The following COL4A5 variants were observed in gnomAD, a reference collection of about 807,000 sequenced individuals.
COL4A5 encodes collagen alpha-5(IV) chain.
COL4A5 carries 26 observed loss-of-function variants against 130.2 expected under a neutral mutation model. That is an observed-to-expected ratio of 0.20 (90% confidence interval 0.15 to 0.28). COL4A5 has a LOEUF of 0.28. Among genes scored for constraint, COL4A5 ranks in the 10% least tolerant of loss-of-function variants. The pLI, the probability that COL4A5 is intolerant of heterozygous loss-of-function variation, is 1.00. For missense variants in COL4A5, 1,131 were observed against 1,344.3 expected (o/e 0.84, Z 2.48); for synonymous variants, 496 against 439.6 (o/e 1.13, Z -1.60).
intron 31 of COL4A5, among the ~76,000 whole-genome samples, chrX:108,621,459 C>G (rs28445856): frequency 0.093 from 10,257 of 110,769 alleles, 1,093 homozygotes; most frequent in African/African-American, 0.31. Flanking sequence ...GCCACTGTGA[C>G]TGGCCTGTAA....
At chrX:108,665,480 A>C in intron 37 of COL4A5, 27 bp from the exon 38 acceptor site, 1 of 1,106,665 alleles carries the variant, frequency 9.0e-7, no homozygotes, top group Non-Finnish European at 1.2e-6. Context: ...TTTTTCTTTC[A>C]TTTTTAAATT....
At chrX:108,482,326 A>G (rs1016114918) in intron 1 of COL4A5, among the ~76,000 whole-genome samples, 1 of 111,495 alleles carries the variant, frequency 9.0e-6, no homozygotes, top group Non-Finnish European at 1.9e-5. Context: ...TCTAGAAGCA[A>G]ATGGAGGTGT....
intron 45 of COL4A5, 30 bp from the exon 46 acceptor site, chrX:108,680,855 G>C: frequency 8.3e-7 from 1 of 1,202,427 alleles, no homozygotes; most frequent in East Asian, 3.0e-5. Context: ...CTGTTGCTTT[G>C]CCATAAAACT....
chrX:108,602,400 G>C (rs1440477740), intron 27 of COL4A5, among the ~76,000 whole-genome samples: 3 of 112,113 alleles, frequency 2.7e-5, no homozygotes, highest in African/African-American at 9.7e-5. Flanking sequence ...ATATTTTCTT[G>C]ATTTATTGAA....
At chrX:108,649,265 A>G (rs987409594) in intron 36 of COL4A5, among the ~76,000 whole-genome samples, 1 of 112,269 alleles carries the variant, frequency 8.9e-6, no homozygotes, top group Non-Finnish European at 1.9e-5. Flanking sequence ...GACGACACAA[A>G]CAAATGGAAA....
intron 17 of COL4A5, among the ~76,000 whole-genome samples, chrX:108,584,011 A>G (rs926127849): frequency 6.6e-5 from 7 of 106,798 alleles, no homozygotes; most frequent in Non-Finnish European, 9.7e-5. Flanking sequence ...GTCTGTCACT[A>G]ATAGAAATGG....
chrX:108,578,812 T>C (rs2066196954), intron 13 of COL4A5, among the ~76,000 whole-genome samples: 1 of 108,989 alleles, frequency 9.2e-6, no homozygotes, highest in African/African-American at 3.3e-5. Flanking sequence ...CCCAAGTAGC[T>C]GGGATTACAG....
chrX:108,533,761 G>A (rs192417454), intron 1 of COL4A5, among the ~76,000 whole-genome samples: 11 of 110,827 alleles, frequency 9.9e-5, no homozygotes, highest in African/African-American at 3.6e-4. Context: ...TTGAATGGGA[G>A]ACAATTTTTG....
chrX:108,461,659 A>G (rs1368650668), intron 1 of COL4A5, among the ~76,000 whole-genome samples: 1 of 110,494 alleles, frequency 9.1e-6, no homozygotes, highest in Non-Finnish European at 1.9e-5. Context: ...GGATGGCATG[A>G]TCTCGGCTCA....
At chrX:108,507,247 C>CAAAAAAAAAAAA (rs1195605237) in intron 1 of COL4A5, among the ~76,000 whole-genome samples, 4 of 50,868 alleles carry the variant, frequency 7.9e-5, no homozygotes, top group Admixed American at 5.0e-4. Context: ...ACAACAACAA[C>CAAAAAAAAAAAA]AAAAAAAAAA....
intron 1 of COL4A5, among the ~76,000 whole-genome samples, chrX:108,499,042 TGATGA>T (rs1348566922): frequency 9.0e-6 from 1 of 111,210 alleles, no homozygotes. Context: ...TAAATAAAAG[TGATGA>T]GATAAGATAT....
At chrX:108,492,603 A>G (rs904468476) in intron 1 of COL4A5, among the ~76,000 whole-genome samples, 1 of 111,722 alleles carries the variant, frequency 9.0e-6, no homozygotes, top group African/African-American at 3.2e-5. Flanking sequence ...TTAATCTGCT[A>G]TTTAGCTAAT....
intron 30 of COL4A5, among the ~76,000 whole-genome samples, chrX:108,617,684 C>T (rs1230395906): frequency 1.8e-5 from 2 of 111,976 alleles, no homozygotes; most frequent in African/African-American, 6.5e-5. Context: ...TGGCCATTAC[C>T]TGTACAATTA....
chrX:108,480,878 TC>T (rs1235750576), intron 1 of COL4A5, among the ~76,000 whole-genome samples: 1 of 112,275 alleles, frequency 8.9e-6, no homozygotes, highest in Non-Finnish European at 1.9e-5. Context: ...GGCACTAATC[TC>T]TGCAATCTCT....
At chrX:108,539,884 G>T in intron 2 of COL4A5, 79 bp downstream of exon 2, 2 of 804,076 alleles carry the variant, frequency 2.5e-6, no homozygotes, top group South Asian at 4.2e-5. Flanking sequence ...TTTAAAAACA[G>T]AGCTTCTATC....
intron 1 of COL4A5, among the ~76,000 whole-genome samples, chrX:108,475,318 G>A (rs976762808): frequency 2.4e-4 from 27 of 110,869 alleles, no homozygotes; most frequent in Non-Finnish European, 4.2e-4. Context: ...AGTAGTATTC[G>A]TAGCTTTTTG....
intron 2 of COL4A5, among the ~76,000 whole-genome samples, chrX:108,554,871 C>A (rs1156878595): frequency 1.8e-5 from 2 of 111,215 alleles, no homozygotes; most frequent in Non-Finnish European, 3.8e-5. Context: ...CAAATAACCA[C>A]CCCCCAAAAC....
intron 17 of COL4A5, among the ~76,000 whole-genome samples, chrX:108,583,985 CCATCA>C (rs1413565722): frequency 1.9e-5 from 2 of 106,086 alleles, no homozygotes; most frequent in African/African-American, 6.9e-5. Flanking sequence ...ATAGTTAAGT[CCATCA>C]CATCTAAAAT....
chrX:108,563,992 T>C, intron 4 of COL4A5, 66 bp downstream of exon 4: 1 of 981,003 alleles, frequency 1.0e-6, no homozygotes, highest in Non-Finnish European at 1.4e-6. Flanking sequence ...AAATGAAGTA[T>C]TATGAGACAA....
Sources: allele counts gnomAD v4.1 joint callset (sites outside exome capture counted in the v4.1 genomes callset), GRCh38; gene constraint gnomAD v4.1.1; transcripts MANE v1.5; gene names NCBI Gene and HGNC (gene_info 2026-07-23, HGNC 2026-07-21).